Variants in DCAF5 observed in about 807,000 individuals in gnomAD.
DCAF5 encodes the protein DDB1 and CUL4 associated factor 5.
A neutral mutation model predicts 80.7 loss-of-function variants in DCAF5; 9 were observed. The ratio of observed to expected loss-of-function variants is 0.11; its 90% CI spans 0.07 to 0.19. DCAF5 has a LOEUF of 0.19. Among genes scored for constraint, DCAF5 ranks in the 10% least tolerant of loss-of-function variants. The pLI is 1.00. For synonymous variants in DCAF5, 433 were observed against 461.9 expected, an observed-to-expected ratio of 0.94 and a Z score of 0.80; for missense variants, 842 against 1,205.7, an observed-to-expected ratio of 0.70 and a Z score of 4.47.
At chr14:69,091,593 A>G in intron 6 of DCAF5, 81 bp downstream of exon 6, 1 of 1,264,294 alleles carries the variant, frequency 7.9e-7, no homozygotes, top group Non-Finnish European at 1.1e-6. Flanking sequence ...CATAATGGTA[A>G]TGAGAAATAA....
intron 6 of DCAF5, among the ~76,000 whole-genome samples, chr14:69,086,919 C>T (rs534576436): frequency 3.3e-5 from 5 of 152,334 alleles, no homozygotes; most frequent in Middle Eastern, 3.4e-3. Flanking sequence ...TGCTCAGGTA[C>T]GCCAGTGCTC....
Position 69,054,729 on chromosome 14 carries a change from T to C in DCAF5, c.1957A>G (p.Ile653Val), listed in dbSNP as rs1447245955. The change falls in exon 9 of 9, where the codon ATA (isoleucine) becomes GTA (valine). Residue 653 changes from isoleucine (I) to valine (V), a missense_variant. Ile to Val is a conservative substitution (Grantham distance 29). Around this residue, in one of 5 missense-constraint regions of DCAF5, gnomAD observed 607 missense variants for 656.6 expected, o/e 0.92. Coordinates refer to ENST00000341516, the MANE Select transcript of DCAF5 (RefSeq NM_003861.3). ...TAAATTTTTCGCTCAACTGATTCTATGTCAGAAGTTGGTGATGCCCGGCTT... is the reference window on the plus strand; with the variant it reads ...TAAATTTTTCGCTCAACTGATTCTACGTCAGAAGTTGGTGATGCCCGGCTT... ...QPSRASPTSD[I>V]ESVERKIYKA... 5.6e-6 allele frequency: 9 copies of C among 1,614,260 alleles called. No homozygotes were observed. Among genetic ancestry groups the C allele is most frequent in the South Asian group, 1.1e-5 (1 of 91,090 alleles).
chr14:69,137,406 T>C (rs542807033), intron 1 of DCAF5, among the ~76,000 whole-genome samples: 4 of 152,320 alleles, frequency 2.6e-5, no homozygotes, highest in African/African-American at 7.2e-5. Flanking sequence ...ATATCACAAA[T>C]ACGCTCCATC....
At chr14:69,151,601 C>A (rs563358708) in intron 1 of DCAF5, among the ~76,000 whole-genome samples, 21 of 152,166 alleles carry the variant, frequency 1.4e-4, no homozygotes, top group Non-Finnish European at 2.2e-4. Flanking sequence ...CTTCACCCCC[C>A]CTCCCCTGAG....
At chr14:69,067,334 TATC>T (rs974243120) in intron 7 of DCAF5, among the ~76,000 whole-genome samples, 4 of 124,876 alleles carry the variant, frequency 3.2e-5, no homozygotes, top group Non-Finnish European at 6.4e-5. Flanking sequence ...GCCGATTTCG[TATC>T]TTTTTTTTTT....
chr14:69,110,625 T>C (rs2040329953), intron 5 of DCAF5, among the ~76,000 whole-genome samples: 3 of 152,016 alleles, frequency 2.0e-5, no homozygotes, highest in Non-Finnish European at 4.4e-5. Context: ...TCTGTAATCC[T>C]AGCACTTCGG....
intron 6 of DCAF5, among the ~76,000 whole-genome samples, chr14:69,076,986 T>C (rs1430589974): frequency 2.0e-5 from 3 of 152,184 alleles, no homozygotes; most frequent in Non-Finnish European, 4.4e-5. Flanking sequence ...AGCTCCAAAC[T>C]GCTTGATCTC....
intron 5 of DCAF5, among the ~76,000 whole-genome samples, chr14:69,111,016 A>C (rs916109402): frequency 1.3e-5 from 2 of 151,730 alleles, no homozygotes; most frequent in Non-Finnish European, 2.9e-5. Context: ...ATCTTTGTCT[A>C]CCCTGATGGC....
intron 8 of DCAF5, among the ~76,000 whole-genome samples, 155 bp downstream of exon 8, chr14:69,062,229 T>C (rs1250707966): frequency 6.6e-6 from 1 of 152,198 alleles, no homozygotes; most frequent in African/African-American, 2.4e-5. Context: ...CTTTTTAATA[T>C]CAGCTTTCTA....
intron 5 of DCAF5, among the ~76,000 whole-genome samples, chr14:69,095,372 C>T (rs576410945): frequency 6.6e-6 from 1 of 152,252 alleles, no homozygotes; most frequent in South Asian, 2.1e-4. Flanking sequence ...AATACATCTA[C>T]CCCAACCTAT....
chr14:69,152,733 G>A lies in DCAF5; in HGVS notation c.214+32C>T. On this transcript the variant is annotated intron_variant, in intron 1 of 8. Transcript: ENST00000341516. The surrounding 1 kb of genome is among the most constrained non-coding windows in gnomAD (Gnocchi z 4.1). ...GAGGGGGAGGCTGGGAGGGTGCGGG[G>A]AGGCGCGGGGAGGGGAAGGGGGTTG... The A allele has an allele frequency of 6.4e-7, 1 of 1,567,824 alleles. No individual in the cohort carries two copies. Among genetic ancestry groups the A allele is most frequent in the Non-Finnish European group, 8.7e-7 (1 of 1,151,150 alleles).
chr14:69,092,827 T>C (rs1168569124), intron 5 of DCAF5, among the ~76,000 whole-genome samples: 2 of 152,216 alleles, frequency 1.3e-5, no homozygotes, highest in Non-Finnish European at 2.9e-5. Flanking sequence ...TCCTTTACAA[T>C]TCCCCACAAG....
chr14:69,082,748 G>T (rs1317659808), intron 6 of DCAF5, among the ~76,000 whole-genome samples: 1 of 152,168 alleles, frequency 6.6e-6, no homozygotes, highest in Non-Finnish European at 1.5e-5. Context: ...CTTCATTCAA[G>T]CAAAGGTGTT....
At chr14:69,071,324 C>T (rs146795719) in intron 7 of DCAF5, among the ~76,000 whole-genome samples, 53 of 152,190 alleles carry the variant, frequency 3.5e-4, no homozygotes, top group African/African-American at 1.2e-3. Flanking sequence ...AAAACAAAGA[C>T]TGATTAACAG....
intron 7 of DCAF5, among the ~76,000 whole-genome samples, chr14:69,070,536 T>C (rs1478377083): frequency 5.9e-5 from 9 of 152,222 alleles, no homozygotes; most frequent in Non-Finnish European, 1.3e-4. Flanking sequence ...ATCAGACATG[T>C]AGTTAGTGGT....
chr14:69,079,295 C>T (rs2139918683), intron 6 of DCAF5, among the ~76,000 whole-genome samples: 1 of 152,184 alleles, frequency 6.6e-6, no homozygotes, highest in East Asian at 1.9e-4. Flanking sequence ...GAAAACTCTC[C>T]CAGAGTTAAG....
intron 7 of DCAF5, among the ~76,000 whole-genome samples, chr14:69,064,422 AAG>A (rs1448546022): frequency 6.6e-6 from 1 of 151,686 alleles, no homozygotes; most frequent in Non-Finnish European, 1.5e-5. Flanking sequence ...CTGCCTCAAA[AAG>A]AGGGGGGATG....
chr14:69,060,270 TGTG>T (rs1308236708), intron 8 of DCAF5, among the ~76,000 whole-genome samples: 1 of 152,266 alleles, frequency 6.6e-6, no homozygotes, highest in Non-Finnish European at 1.5e-5. Context: ...GCATGGCAAA[TGTG>T]GTGGTGACTG....
chr14:69,102,107 CTT>C (rs141874345), intron 5 of DCAF5, among the ~76,000 whole-genome samples: 25 of 132,996 alleles, frequency 1.9e-4, no homozygotes, highest in African/African-American at 3.0e-4. Flanking sequence ...TTTACTATAA[CTT>C]TTTTTTTTTT....
Sources: gnomAD v4.1 joint callset for allele counts (sites outside exome capture counted in the v4.1 genomes callset) on GRCh38, gnomAD v4.1.1 for gene constraint, gnomAD v4.1.1 regional missense constraint, Gnocchi (gnomAD v3.1) non-coding constraint, MANE v1.5 for transcripts, NCBI Gene and HGNC (gene_info 2026-07-23, HGNC 2026-07-21) for gene names.